Variants in RORA observed in about 807,000 individuals in gnomAD.
The protein encoded by RORA is nuclear receptor ROR-alpha.
A neutral mutation model predicts 69.5 loss-of-function variants in RORA; 7 were observed. The observed-to-expected ratio is 0.10, with a 90% CI of 0.06 to 0.19. RORA has a LOEUF of 0.19. Among genes scored for constraint, RORA ranks in the 10% least tolerant of loss-of-function variants. The pLI is 1.00. For missense variants in RORA, 457 were observed against 663.0 expected, an observed-to-expected ratio of 0.69 and a Z score of 3.41; for synonymous variants, 261 against 240.8, an observed-to-expected ratio of 1.08 and a Z score of -0.78.
At chr15:60,577,412 G>C (rs544097976) in intron 2 of RORA, among the ~76,000 whole-genome samples, 1 of 152,308 alleles carries the variant, frequency 6.6e-6, no homozygotes, top group East Asian at 1.9e-4. Flanking sequence ...GGGAGTCTGA[G>C]ACAGGCGGAT....
In RORA at chr15:60,492,163, T is replaced by C. The variant is rs2065052587; in HGVS notation, c.*5292A>G. Reference sequence around the variant, plus strand: ...ACAGACATGGGAAGTTTTCCCAGATTATGTTCCTCTATCATAGTAAGAAAA... The same window carrying C: ...ACAGACATGGGAAGTTTTCCCAGATCATGTTCCTCTATCATAGTAAGAAAA... On this transcript the variant is annotated 3_prime_UTR_variant, in exon 11 of 11. Coordinates refer to ENST00000335670, the MANE Select transcript of RORA (RefSeq NM_134261.3). 1 of 152,338 alleles carries C rather than the reference T, an allele frequency of 6.6e-6. No homozygotes were observed. The allele number at this position is 152,338 out of a possible 1,614,324, so 9.4% of individuals were successfully genotyped here. A position where few individuals can be genotyped will look rare whatever the true frequency, so the allele number is the denominator to read the frequency against.
chr15:60,565,166 A>G (rs950784340), intron 2 of RORA, among the ~76,000 whole-genome samples: 3 of 152,256 alleles, frequency 2.0e-5, no homozygotes, highest in Non-Finnish European at 4.4e-5. Flanking sequence ...GGATTGAGAT[A>G]AAACTGCTAT....
intron 2 of RORA, among the ~76,000 whole-genome samples, chr15:60,583,793 G>T (rs1030238268): frequency 6.6e-6 from 1 of 152,200 alleles, no homozygotes; most frequent in African/African-American, 2.4e-5. Context: ...GCTGAAGGGA[G>T]TGAACTAAAG....
At chr15:61,008,797 G>A (rs1407525472) in intron 1 of RORA, among the ~76,000 whole-genome samples, 2 of 152,032 alleles carry the variant, frequency 1.3e-5, no homozygotes, top group African/African-American at 4.8e-5. Flanking sequence ...CTCAAACAAT[G>A]AAAATGACTT....
At chr15:60,562,270 C>G (rs527719180) in intron 2 of RORA, among the ~76,000 whole-genome samples, 4 of 152,046 alleles carry the variant, frequency 2.6e-5, no homozygotes, top group South Asian at 2.1e-4. Context: ...GAGTCTGACT[C>G]TGTCACCCAG....
intron 1 of RORA, among the ~76,000 whole-genome samples, chr15:60,842,865 C>T (rs2073217428): frequency 1.3e-5 from 2 of 152,268 alleles, no homozygotes; most frequent in South Asian, 4.2e-4. Flanking sequence ...GCCCAGGAAG[C>T]TTCAAGTAGA....
chr15:60,957,925 A>G (rs868277722), intron 1 of RORA, among the ~76,000 whole-genome samples: 4 of 151,406 alleles, frequency 2.6e-5, no homozygotes, highest in Non-Finnish European at 5.9e-5. Context: ...CTAATACTCA[A>G]AATGACCTAT....
chr15:61,168,604 G>A (rs952127732), intron 1 of RORA, among the ~76,000 whole-genome samples: 6 of 151,962 alleles, frequency 3.9e-5, no homozygotes, highest in African/African-American at 1.2e-4. Flanking sequence ...AAATAAAAAC[G>A]TGTGTCTTAA....
intron 1 of RORA, among the ~76,000 whole-genome samples, chr15:60,916,102 G>A (rs1009468103): frequency 1.3e-5 from 2 of 152,196 alleles, no homozygotes; most frequent in Admixed American, 6.5e-5. Flanking sequence ...GGCACTGGAG[G>A]GGGAGGTGAG....
chr15:60,997,754 T>A (rs1894605073), intron 1 of RORA, among the ~76,000 whole-genome samples: 1 of 152,188 alleles, frequency 6.6e-6, no homozygotes, highest in Non-Finnish European at 1.5e-5. Context: ...AGTGATTTTG[T>A]CACCAGAAAC....
chr15:61,126,635 C>G (rs1016151450), intron 1 of RORA, among the ~76,000 whole-genome samples: 1 of 152,080 alleles, frequency 6.6e-6, no homozygotes, highest in Non-Finnish European at 1.5e-5. Context: ...TTGTAGATGC[C>G]AGATAGAATA....
intron 1 of RORA, among the ~76,000 whole-genome samples, chr15:61,120,361 A>T (rs563594558): frequency 6.6e-6 from 1 of 151,264 alleles, no homozygotes; most frequent in African/African-American, 2.5e-5. Flanking sequence ...AAGGTCTGAT[A>T]TGCAAGCAGA....
chr15:60,946,026 T>C (rs1048315833), intron 1 of RORA, among the ~76,000 whole-genome samples: 2 of 152,048 alleles, frequency 1.3e-5, no homozygotes, highest in Non-Finnish European at 2.9e-5. Context: ...GTGGGTTATA[T>C]GCAGGAGAAA....
chr15:61,011,500 AC>A (rs942792681), intron 1 of RORA, among the ~76,000 whole-genome samples: 1 of 152,208 alleles, frequency 6.6e-6, no homozygotes, highest in Admixed American at 6.5e-5. Context: ...AAAAAACAAA[AC>A]AAAACAACAA....
In RORA at chr15:61,084,308, C is replaced by A. The variant is rs141357412; in HGVS notation, c.166+144745G>T. Among the ~76,000 whole-genome samples the A allele has an allele frequency of 4.6e-5, 7 of 152,238 alleles. No homozygotes were observed. In the East Asian group the frequency reaches 1.4e-3, roughly 29 times the overall value. ...GTCCATCTGCCTGGACATTCACCCA[C>A]CATGTCAGGAAAATAAAAACCTAGG... On this transcript the variant is annotated intron_variant, in intron 1 of 10. Coordinates refer to ENST00000335670, the MANE Select transcript of RORA (RefSeq NM_134261.3).
chr15:60,610,997 G>GAT (rs1426944962), intron 2 of RORA, among the ~76,000 whole-genome samples: 1 of 152,206 alleles, frequency 6.6e-6, no homozygotes, highest in East Asian at 1.9e-4. Flanking sequence ...GTTCGTAGTA[G>GAT]ATAAAGCTAA....
intron 1 of RORA, among the ~76,000 whole-genome samples, chr15:61,125,182 A>G (rs1303634750): frequency 1.3e-5 from 2 of 152,246 alleles, no homozygotes; most frequent in African/African-American, 4.8e-5. Flanking sequence ...ACTAGTATTC[A>G]TACCAAAAGC....
chr15:60,654,610 T>C (rs1048835790), intron 2 of RORA, among the ~76,000 whole-genome samples: 2 of 152,116 alleles, frequency 1.3e-5, no homozygotes, highest in Admixed American at 6.5e-5. Context: ...CAAAAGGGAC[T>C]TTGCAGCTGT....
At chr15:60,774,583 T>A (rs1472622502) in intron 1 of RORA, among the ~76,000 whole-genome samples, 1 of 152,242 alleles carries the variant, frequency 6.6e-6, no homozygotes, top group East Asian at 1.9e-4. Context: ...CCTGGGCGGC[T>A]ACCAGTCTTA....
Sources: gnomAD v4.1 joint callset for allele counts (sites outside exome capture counted in the v4.1 genomes callset) on GRCh38, gnomAD v4.1.1 for gene constraint, MANE v1.5 for transcripts, NCBI Gene and HGNC (gene_info 2026-07-23, HGNC 2026-07-21) for gene names.